Variants in EXT1 observed in about 807,000 individuals in gnomAD.
EXT1 encodes the protein exostosin-1.
EXT1 carries 20 observed loss-of-function variants against 82.5 expected under a neutral mutation model. That is an observed-to-expected ratio of 0.24 (90% confidence interval 0.17 to 0.35). The LOEUF (loss-of-function observed/expected upper bound fraction) is 0.35. Ranked by LOEUF, EXT1 falls within the 10% of genes least tolerant of loss-of-function variation. The pLI is 1.00. For missense variants in EXT1, 757 were observed against 936.5 expected, an observed-to-expected ratio of 0.81 and a Z score of 2.50; for synonymous variants, 348 against 350.8, an observed-to-expected ratio of 0.99 and a Z score of 0.09.
rs904688960 is a variant in EXT1, at chr8:117,804,608, G to A, written c.2055+114C>T. On this transcript the variant is annotated intron_variant, in intron 10 of 10. Coordinates refer to ENST00000378204, the MANE Select transcript of EXT1 (RefSeq NM_000127.3). The stretch of plus-strand genomic sequence containing the variant: ...AGCTTTCAGATGTAGTTCATTCCTG[G>A]TTTCTCCTCATTATATGCTCCTGGG... The A allele has an allele frequency of 3.2e-5, 37 of 1,160,940 alleles. No individual in the cohort carries two copies. In the Admixed American group the frequency reaches 6.3e-4, roughly 20 times the overall value. 71.9% of individuals were successfully genotyped at this position (1,160,940 alleles called of 1,614,324 possible). A position where few individuals can be genotyped will look rare whatever the true frequency, so the allele number is the denominator to read the frequency against.
At chr8:117,825,435 T>C (rs1048381117) in intron 4 of EXT1, among the ~76,000 whole-genome samples, 1 of 152,122 alleles carries the variant, frequency 6.6e-6, no homozygotes, top group African/African-American at 2.4e-5. Flanking sequence ...ACATTAGAGG[T>C]TGGATGCTTC....
chr8:117,914,764 T>A (rs113888877), intron 1 of EXT1, among the ~76,000 whole-genome samples: 3,502 of 152,272 alleles, frequency 0.023, 136 homozygotes, highest in African/African-American at 0.078. Context: ...GGTTCTCTAC[T>A]CTCGAACCCT....
intron 1 of EXT1, among the ~76,000 whole-genome samples, chr8:118,081,559 C>T (rs1011020203): frequency 6.6e-6 from 1 of 152,138 alleles, no homozygotes; most frequent in African/African-American, 2.4e-5. Context: ...ACAGAAGCTG[C>T]CCCCAAAGAA....
chr8:118,044,550 G>A (rs1424484855), intron 1 of EXT1, among the ~76,000 whole-genome samples: 2 of 152,128 alleles, frequency 1.3e-5, no homozygotes, highest in Admixed American at 6.6e-5. Flanking sequence ...TGGGATTACA[G>A]GAGTGCGCCA....
intron 1 of EXT1, among the ~76,000 whole-genome samples, chr8:118,049,011 C>A (rs112512867): frequency 6.6e-6 from 1 of 152,136 alleles, no homozygotes; most frequent in Non-Finnish European, 1.5e-5. Context: ...CCCACTCCCC[C>A]CAGAAGAAAT....
intron 3 of EXT1, among the ~76,000 whole-genome samples, chr8:117,834,154 A>G (rs1403865540): frequency 6.6e-6 from 1 of 152,220 alleles, no homozygotes; most frequent in African/African-American, 2.4e-5. Context: ...ACTGAGTGCC[A>G]GACAGAAGTA....
intron 1 of EXT1, among the ~76,000 whole-genome samples, chr8:118,052,835 G>T (rs1816740153): frequency 1.3e-5 from 2 of 152,204 alleles, no homozygotes; most frequent in South Asian, 4.1e-4. Context: ...GGCAACACAA[G>T]AGCTTACAAA....
intron 1 of EXT1, among the ~76,000 whole-genome samples, chr8:118,081,332 C>G (rs190293857): frequency 6.6e-6 from 1 of 152,254 alleles, no homozygotes; most frequent in Non-Finnish European, 1.5e-5. Context: ...TGCTGAATGT[C>G]AATTCTGCAT....
chr8:117,948,521 A>G (rs1814431840), intron 1 of EXT1, among the ~76,000 whole-genome samples: 2 of 152,230 alleles, frequency 1.3e-5, no homozygotes, highest in Admixed American at 6.5e-5. Context: ...TAACCATACA[A>G]CTTTACACAT....
intron 1 of EXT1, among the ~76,000 whole-genome samples, chr8:117,868,689 ATC>A (rs1378141837): frequency 6.6e-6 from 1 of 152,034 alleles, no homozygotes; most frequent in African/African-American, 2.4e-5. Context: ...GGCTCAAGCA[ATC>A]CTCTCACCTC....
rs1296058184 is a variant in EXT1 at position 117,915,370 on chromosome 8, T to TATATAC, written c.963-78170_963-78169insGTATAT. On this transcript the variant is annotated intron_variant, in intron 1 of 10. Transcript: ENST00000378204. The stretch of plus-strand genomic sequence containing the variant: ...ATATAACCATATATATATATATATA[T>TATATAC]ACCTGAATAGGCATTCATTTAGATC... Among the ~76,000 whole-genome samples, 7 of 151,818 alleles carry TATATAC rather than the reference T, an allele frequency of 4.6e-5. No individual in the cohort carries two copies. In the South Asian group the frequency reaches 8.3e-4, roughly 18 times the overall value.
intron 1 of EXT1, among the ~76,000 whole-genome samples, chr8:118,066,847 T>C (rs1013106741): frequency 3.9e-5 from 6 of 152,312 alleles, no homozygotes; most frequent in African/African-American, 1.4e-4. Flanking sequence ...CTAATCTACA[T>C]TGTTCAAGGA....
chr8:117,802,618 A>T (rs954682819), intron 10 of EXT1, among the ~76,000 whole-genome samples: 5 of 152,238 alleles, frequency 3.3e-5, no homozygotes, highest in Non-Finnish European at 7.3e-5. Context: ...ATGTTTGGAT[A>T]ATGACAAGAT....
chr8:117,986,078 TAG>T (rs1815310769), intron 1 of EXT1, among the ~76,000 whole-genome samples: 1 of 152,220 alleles, frequency 6.6e-6, no homozygotes, highest in Non-Finnish European at 1.5e-5. Flanking sequence ...ATTCCTTTAA[TAG>T]AGTTACTAAA....
intron 1 of EXT1, among the ~76,000 whole-genome samples, chr8:118,012,194 C>T (rs11562667): frequency 0.24 from 36,396 of 152,206 alleles, 5,194 homozygotes; most frequent in South Asian, 0.41. Flanking sequence ...CTCAATGAAG[C>T]GCAGGCCAGA....
chr8:118,110,304 C>T lies in EXT1; in HGVS notation c.743G>A (p.Arg248Lys), dbSNP rs1380196220. 1 of 1,614,146 alleles carries T rather than the reference C, an allele frequency of 6.2e-7. No homozygotes were observed. Among genetic ancestry groups the T allele is most frequent in the Non-Finnish European group, 8.5e-7 (1 of 1,180,036 alleles). Reference sequence around the variant, plus strand: ...GATGGTGTTGAACTTCAAAAACCCCCTCTCCCCTCCTGTCCTGGGATGATC... The same window carrying T: ...GATGGTGTTGAACTTCAAAAACCCCTTCTCCCCTCCTGTCCTGGGATGATC... Reference protein sequence around the residue: ...SKDHPRTGGERGFLKFNTIPP... With the variant: ...SKDHPRTGGEKGFLKFNTIPP... The change falls in exon 1 of 11, where the codon AGG (arginine) becomes AAG (lysine). Residue 248 changes from arginine (R) to lysine (K), a missense_variant. Around this residue, in one of 4 missense-constraint regions of EXT1, gnomAD observed 247 missense variants for 330.1 expected, o/e 0.75. Transcript: ENST00000378204.
chr8:117,837,345 G>A, intron 1 of EXT1, 144 bp from the exon 2 acceptor site: 1 of 714,260 alleles, frequency 1.4e-6, no homozygotes, highest in Middle Eastern at 2.3e-4. Context: ...TTTCCATTTT[G>A]AGGAAGGAGG....
At chr8:117,968,764 T>A (rs1255118588) in intron 1 of EXT1, among the ~76,000 whole-genome samples, 1 of 77,184 alleles carries the variant, frequency 1.3e-5, no homozygotes, top group Non-Finnish European at 2.2e-5. Flanking sequence ...AGAGACGGGG[T>A]TTCACCAGGT....
intron 1 of EXT1, among the ~76,000 whole-genome samples, chr8:117,919,141 C>G (rs13251463): frequency 0.55 from 84,259 of 151,918 alleles, 25,248 homozygotes; most frequent in Middle Eastern, 0.77. Context: ...GAGAACTCTT[C>G]TTAACTTTCA....
Sources: allele counts gnomAD v4.1 joint callset (sites outside exome capture counted in the v4.1 genomes callset), GRCh38; gene constraint gnomAD v4.1.1; regional missense constraint gnomAD v4.1.1; transcripts MANE v1.5; gene names NCBI Gene and HGNC (gene_info 2026-07-23, HGNC 2026-07-21).